The following RBFOX1 variants were observed in gnomAD, a reference collection of about 807,000 sequenced individuals.
RBFOX1 encodes the protein RNA binding fox-1 homolog 1, also known as RNA binding protein fox-1 homolog 1.
In RBFOX1, 8 loss-of-function variants were observed where a neutral mutation model predicts 57.7. The observed-to-expected ratio is 0.14, with a 90% CI of 0.08 to 0.25. The LOEUF (loss-of-function observed/expected upper bound fraction) is 0.25, where lower values mean the gene tolerates loss of function less well. Ranked by LOEUF, RBFOX1 falls within the 10% of genes least tolerant of loss-of-function variation. The probability of loss-of-function intolerance (pLI) is 1.00; values close to 1 mark genes in which losing one functional copy is unlikely to be tolerated. For synonymous variants in RBFOX1, 326 were observed against 222.4 expected (o/e 1.47, Z -4.15); for missense variants, 611 against 548.5 (o/e 1.11, Z -1.14).
intron 5 of RBFOX1, among the ~76,000 whole-genome samples, chr16:7,531,255 T>C (rs916590948): frequency 6.6e-6 from 1 of 152,138 alleles, no homozygotes; most frequent in South Asian, 2.1e-4. Context: ...GAACATCAAA[T>C]AGAAACTTCT....
At chr16:6,289,181 G>C (rs1354334196) in intron 1 of RBFOX1, among the ~76,000 whole-genome samples, 3 of 152,206 alleles carry the variant, frequency 2.0e-5, no homozygotes, top group Non-Finnish European at 4.4e-5. Flanking sequence ...CCGTGGAACA[G>C]TCTTTGATCA....
chr16:7,096,420 C>G (rs150621851), intron 4 of RBFOX1, among the ~76,000 whole-genome samples: 157 of 152,276 alleles, frequency 1.0e-3, no homozygotes, highest in Admixed American at 3.1e-3. Flanking sequence ...GAGGCAACCA[C>G]TAGTAGCTTC....
At chr16:6,748,878 G>C (rs535695037) in intron 3 of RBFOX1, 1 of 152,262 alleles carries the variant, frequency 6.6e-6, no homozygotes, top group African/African-American at 2.4e-5. Context: ...TAAGGTCTTT[G>C]TCTAAGGAAG....
chr16:6,514,929 G>T (rs996938952), intron 2 of RBFOX1, among the ~76,000 whole-genome samples: 1 of 151,948 alleles, frequency 6.6e-6, no homozygotes, highest in Non-Finnish European at 1.5e-5. Context: ...GGAGAATGAG[G>T]ACATGAAGGA....
chr16:5,949,311 G>A (rs1441158882), intron 4 of RBFOX1, among the ~76,000 whole-genome samples: 2 of 152,054 alleles, frequency 1.3e-5, no homozygotes, highest in East Asian at 3.9e-4. Flanking sequence ...CCGATCACGA[G>A]GTCAGGAGAT....
intron 4 of RBFOX1, among the ~76,000 whole-genome samples, chr16:7,109,646 C>T (rs1362496698): frequency 1.3e-5 from 2 of 152,078 alleles, no homozygotes; most frequent in Non-Finnish European, 2.9e-5. Flanking sequence ...TAGAGACATC[C>T]ATATAGGCGC....
At chr16:5,602,903 G>C (rs1369989928), downstream of RBFOX1, among the ~76,000 whole-genome samples, 1 of 152,176 alleles carries the variant, frequency 6.6e-6, no homozygotes, top group Non-Finnish European at 1.5e-5. Flanking sequence ...TTTTCCAGGA[G>C]AGCTGACGGC....
intron 2 of RBFOX1, among the ~76,000 whole-genome samples, chr16:6,390,311 C>T (rs1228798414): frequency 6.6e-6 from 1 of 152,162 alleles, no homozygotes; most frequent in Non-Finnish European, 1.5e-5. Flanking sequence ...ATCTGCCCCT[C>T]CCCACCCCCA....
chr16:6,915,985 A>G (rs949005178), intron 3 of RBFOX1, among the ~76,000 whole-genome samples: 3 of 150,086 alleles, frequency 2.0e-5, no homozygotes, highest in Non-Finnish European at 4.5e-5. Flanking sequence ...CCAGTTTGAC[A>G]TTAAAAGCTG....
chr16:5,805,295 C>G (rs573474569), intron 3 of RBFOX1, among the ~76,000 whole-genome samples: 2 of 152,194 alleles, frequency 1.3e-5, no homozygotes, highest in African/African-American at 4.8e-5. Context: ...TTTACTCATT[C>G]CATAAGCACT....
At chr16:7,245,915 C>T (rs528283585) in intron 4 of RBFOX1, among the ~76,000 whole-genome samples, 9 of 152,176 alleles carry the variant, frequency 5.9e-5, no homozygotes, top group South Asian at 2.1e-4. Flanking sequence ...ATTCTCCCAG[C>T]CCATAGCAGC....
intron 11 of RBFOX1, 90 bp from the exon 12 acceptor site, chr16:7,653,725 G>C (rs2065624933): frequency 1.9e-6 from 3 of 1,567,650 alleles, no homozygotes; most frequent in Non-Finnish European, 2.6e-6. Flanking sequence ...ACCCTGTGCA[G>C]GGACAAGGGT....
At chr16:6,335,156 G>T (rs1382093816) in intron 2 of RBFOX1, among the ~76,000 whole-genome samples, 2 of 152,240 alleles carry the variant, frequency 1.3e-5, no homozygotes, top group Admixed American at 1.3e-4. Flanking sequence ...ATTGGATTCT[G>T]TTGCAAATGA....
At chr16:6,588,785 T>A (rs1298574452) in intron 2 of RBFOX1, among the ~76,000 whole-genome samples, 1 of 152,232 alleles carries the variant, frequency 6.6e-6, no homozygotes, top group Non-Finnish European at 1.5e-5. Flanking sequence ...TATTTCCCTG[T>A]CATTCAGTTC....
intron 2 of RBFOX1, among the ~76,000 whole-genome samples, chr16:6,332,687 G>A (rs1418108728): frequency 2.6e-5 from 4 of 152,176 alleles, no homozygotes; most frequent in Admixed American, 6.5e-5. Flanking sequence ...GGAACAGGAA[G>A]GTAGTGGAGA....
chr16:7,278,686 A>C (rs2095486469), intron 4 of RBFOX1, among the ~76,000 whole-genome samples: 1 of 152,122 alleles, frequency 6.6e-6, no homozygotes, highest in Non-Finnish European at 1.5e-5. Context: ...TTTTATTTTT[A>C]TTTCCTTTTC....
intron 4 of RBFOX1, among the ~76,000 whole-genome samples, chr16:7,233,500 T>G (rs1329254942): frequency 6.6e-6 from 1 of 152,192 alleles, no homozygotes; most frequent in Non-Finnish European, 1.5e-5. Flanking sequence ...CGATCAGCAC[T>G]TGTTAAATGA....
chr16:5,609,635 C>G (rs981044674), intron 3 of RBFOX1, among the ~76,000 whole-genome samples: 1 of 152,202 alleles, frequency 6.6e-6, no homozygotes, highest in African/African-American at 2.4e-5. Context: ...GACCTGCATC[C>G]AAACCCTCAT....
chr16:5,721,581 G>T (rs750166317), intron 3 of RBFOX1, among the ~76,000 whole-genome samples: 61 of 152,240 alleles, frequency 4.0e-4, no homozygotes, highest in African/African-American at 1.4e-3. Flanking sequence ...CGGCCATTGC[G>T]TATGATGCCA....
Sources: allele counts gnomAD v4.1 joint callset (sites outside exome capture counted in the v4.1 genomes callset), GRCh38; gene constraint gnomAD v4.1.1; transcripts MANE v1.5; gene names NCBI Gene and HGNC (gene_info 2026-07-23, HGNC 2026-07-21).